Variants in ANKS1A observed in about 807,000 individuals in gnomAD.
The protein encoded by ANKS1A is ankyrin repeat and sterile alpha motif domain containing 1A.
Under a neutral mutation model 120.3 loss-of-function variants are expected in ANKS1A, and 55 were observed. The observed-to-expected ratio is 0.46, with a 90% CI of 0.37 to 0.57. ANKS1A has a LOEUF of 0.57. Ranked by LOEUF, ANKS1A falls within the 20% of genes least tolerant of loss-of-function variation. The pLI, the probability that ANKS1A is intolerant of heterozygous loss-of-function variation, is 0.00. For synonymous variants in ANKS1A, 590 were observed against 604.7 expected, an observed-to-expected ratio of 0.98 and a Z score of 0.36; for missense variants, 1,123 against 1,480.3, an observed-to-expected ratio of 0.76 and a Z score of 3.96.
At chr6:35,041,214 T>C (rs1775441253) in intron 11 of ANKS1A, among the ~76,000 whole-genome samples, 1 of 152,204 alleles carries the variant, frequency 6.6e-6, no homozygotes, top group African/African-American at 2.4e-5. Context: ...AGGTTGTAGC[T>C]TCCACTCCTT....
At chr6:35,073,056 G>A (rs115343256) in intron 13 of ANKS1A, among the ~76,000 whole-genome samples, 164 of 152,342 alleles carry the variant, frequency 1.1e-3, no homozygotes, top group African/African-American at 3.9e-3. Context: ...TGTGTAATGT[G>A]AGCAGCTCCT....
In ANKS1A at chr6:35,004,313, A is replaced by G. The variant is rs556256808; in HGVS notation, c.1423+9891A>G. On this transcript the variant is annotated intron_variant, in intron 10 of 23. Coordinates refer to ENST00000360359, the MANE Select transcript of ANKS1A (RefSeq NM_015245.3). Reference sequence around the variant, plus strand: ...CCGCAGCTGGTCCCGCTACAGTGAGATGGGAAATTTTTTAAATTACATTTT... The same window carrying G: ...CCGCAGCTGGTCCCGCTACAGTGAGGTGGGAAATTTTTTAAATTACATTTT... 7.2e-4 allele frequency among the ~76,000 whole-genome samples: 110 copies of G among 151,996 alleles called. 1 individual carries two copies. The highest frequency in any genetic ancestry group is 1.3e-3 in the Non-Finnish European group (86 of 68,006).
chr6:35,086,122 C>A lies in ANKS1A; in HGVS notation c.3303+186C>A. The A allele has an allele frequency of 8.7e-7, 1 of 1,152,636 alleles. No homozygotes were observed. The highest frequency in any genetic ancestry group is 1.2e-6 in the Non-Finnish European group (1 of 832,882). The allele number at this position is 1,152,636 out of a possible 1,614,324, so 71.4% of individuals were successfully genotyped here. A position where few individuals can be genotyped will look rare whatever the true frequency, so the allele number is the denominator to read the frequency against. On this transcript the variant is annotated intron_variant, in intron 22 of 23. Transcript: ENST00000360359. The surrounding 1 kb of genome is among the most constrained non-coding windows in gnomAD (Gnocchi z 5.1). ...CTGGAAAGGCAGCAGCTCCTCTGGCCTGGGCGGGCCTCTCATGCTCCTGTT... is the reference window on the plus strand; with the variant it reads ...CTGGAAAGGCAGCAGCTCCTCTGGCATGGGCGGGCCTCTCATGCTCCTGTT...
Position 35,058,046 on chromosome 6 carries a change from G to A in ANKS1A, c.2078-2101G>A, listed in dbSNP as rs1776299698. On this transcript the variant is annotated intron_variant, in intron 12 of 23. Coordinates refer to ENST00000360359, the MANE Select transcript of ANKS1A (RefSeq NM_015245.3). This position sits in a 1 kb window ranked among gnomAD's most constrained non-coding sequence, Gnocchi z 5.1. The stretch of plus-strand genomic sequence containing the variant: ...CGGCTATTGGGAAATCTGTCATTTC[G>A]CTCTGATGCTAGTGCTGCTGTCTCC... 6.6e-6 allele frequency among the ~76,000 whole-genome samples: 1 copy of A among 152,170 alleles called. No homozygotes were observed. The highest frequency in any genetic ancestry group is 1.5e-5 in the Non-Finnish European group (1 of 68,042).
In ANKS1A at chr6:35,017,960, G is replaced by A; in HGVS notation, c.1911G>A (p.Glu637=). The A allele has an allele frequency of 6.2e-7, 1 of 1,614,230 alleles. No individual in the cohort carries two copies. Among genetic ancestry groups the A allele is most frequent in the Admixed American group, 1.7e-5 (1 of 60,032 alleles). The change falls in exon 11 of 24, where the codon GAG becomes GAA. Residue 637 remains glutamate (E), a synonymous_variant. Transcript: ENST00000360359. ...DSDLLTCSPT[E]DATMGSRSES... Reference sequence around the variant, plus strand: ...ATCTCCTGACCTGCTCACCCACAGAGGACGCTACCATGGGGAGTCGGAGTG... The same window carrying A: ...ATCTCCTGACCTGCTCACCCACAGAAGACGCTACCATGGGGAGTCGGAGTG...
chr6:34,979,791 C>G (rs147768626), intron 3 of ANKS1A, among the ~76,000 whole-genome samples: 34 of 152,280 alleles, frequency 2.2e-4, no homozygotes, highest in African/African-American at 7.7e-4. Flanking sequence ...ACTTTCTTGG[C>G]TCTTTCTATC....
At chr6:34,946,295 C>T (rs111563968) in intron 1 of ANKS1A, among the ~76,000 whole-genome samples, 11,934 of 150,928 alleles carry the variant, frequency 0.079, 669 homozygotes, top group East Asian at 0.34. Flanking sequence ...TCTCTTTTTA[C>T]AAAATTTTGG....
At chr6:35,030,423 T>G (rs1367743339) in intron 11 of ANKS1A, among the ~76,000 whole-genome samples, 1 of 152,210 alleles carries the variant, frequency 6.6e-6, no homozygotes, top group African/African-American at 2.4e-5. Flanking sequence ...AGGTGATGAT[T>G]TCTGGCAAAT....
At chr6:35,083,648 G>A (rs1777805956) in intron 20 of ANKS1A, 145 bp downstream of exon 20, 3 of 759,292 alleles carry the variant, frequency 4.0e-6, no homozygotes, top group African/African-American at 1.8e-5. Flanking sequence ...TTCCCACTTT[G>A]CTAAGAGGCG....
At chr6:35,055,535 G>A (rs1291810732) in intron 12 of ANKS1A, among the ~76,000 whole-genome samples, 1 of 152,096 alleles carries the variant, frequency 6.6e-6, no homozygotes, top group African/African-American at 2.4e-5. Context: ...TCACCATGTT[G>A]GTCAGGCTGG....
At chr6:34,898,427 T>G (rs1480659975) in intron 1 of ANKS1A, among the ~76,000 whole-genome samples, 1 of 152,196 alleles carries the variant, frequency 6.6e-6, no homozygotes, top group Non-Finnish European at 1.5e-5. Flanking sequence ...CTGGAAACAT[T>G]GTATTTCTAC....
rs1287794776 is a variant in ANKS1A, at chr6:34,889,813, C to T, written c.197+214C>T. 2.6e-5 allele frequency among the ~76,000 whole-genome samples: 4 copies of T among 152,226 alleles called. No individual in the cohort carries two copies. In the East Asian group the frequency reaches 7.8e-4, roughly 30 times the overall value. On this transcript the variant is annotated intron_variant, in intron 1 of 23. Transcript: ENST00000360359. This position sits in a 1 kb window ranked among gnomAD's most constrained non-coding sequence, Gnocchi z 5.5. ...GCTCGCCTGGTCTCCCGTTCTGACC[C>T]GGCTGCGAAGAATGGTGGGAGTGCC...
chr6:34,892,597 A>T (rs971833102), intron 1 of ANKS1A, among the ~76,000 whole-genome samples: 1 of 152,226 alleles, frequency 6.6e-6, no homozygotes. Context: ...CCCGTATTCC[A>T]CAAAGGCTTT....
intron 11 of ANKS1A, among the ~76,000 whole-genome samples, chr6:35,036,591 T>C (rs747720666): frequency 2.6e-5 from 4 of 152,254 alleles, no homozygotes; most frequent in Admixed American, 6.5e-5. Context: ...TTAACAGTTA[T>C]GTTAACTTTT....
intron 13 of ANKS1A, among the ~76,000 whole-genome samples, chr6:35,071,595 A>AG (rs1179069508): frequency 2.6e-5 from 4 of 151,806 alleles, no homozygotes; most frequent in South Asian, 2.1e-4. Context: ...CTTGGCCTAG[A>AG]GGGGGGGTCC....
intron 1 of ANKS1A, among the ~76,000 whole-genome samples, chr6:34,909,427 C>T (rs1767803338): frequency 6.6e-6 from 1 of 152,114 alleles, no homozygotes; most frequent in Non-Finnish European, 1.5e-5. Flanking sequence ...TGACACTTGC[C>T]AGTAGTTTAT....
Position 35,060,192 on chromosome 6 carries a change from T to A in ANKS1A, c.2123T>A (p.Ile708Asn), listed in dbSNP as rs779034710. 6 of 1,609,626 alleles carry A rather than the reference T, an allele frequency of 3.7e-6. No homozygotes were observed. Among genetic ancestry groups the A allele is most frequent in the Non-Finnish European group, 5.1e-6 (6 of 1,177,924 alleles). The change falls in exon 13 of 24, where the codon ATT becomes AAT. Residue 708 changes from isoleucine to asparagine, a missense_variant. This residue lies in a region of ANKS1A where 904 missense variants were observed against 1,130.4 expected (regional missense o/e 0.80). Coordinates refer to ENST00000360359, the MANE Select transcript of ANKS1A (RefSeq NM_015245.3). The surrounding 1 kb of genome is among the most constrained non-coding windows in gnomAD (Gnocchi z 4.5). Reference sequence around the variant, plus strand: ...AGTGTCGGGGAGTGGCTGGAGTCGATTGGGCTGCAGCAGTATGAGAGCAAG... The same window carrying A: ...AGTGTCGGGGAGTGGCTGGAGTCGAATGGGCTGCAGCAGTATGAGAGCAAG... ...EQSVGEWLES[I>N]GLQQYESKLL...
intron 1 of ANKS1A, among the ~76,000 whole-genome samples, chr6:34,906,888 A>G (rs961136806): frequency 2.0e-5 from 3 of 152,210 alleles, no homozygotes; most frequent in African/African-American, 4.8e-5. Context: ...ATAATAGAAT[A>G]TGGAGAGAGA....
intron 10 of ANKS1A, among the ~76,000 whole-genome samples, chr6:34,995,283 G>A (rs1437553799): frequency 1.3e-5 from 2 of 152,210 alleles, no homozygotes; most frequent in African/African-American, 4.8e-5. Flanking sequence ...GTGTGCATAT[G>A]CGTATGACAT....
Sources: allele counts gnomAD v4.1 joint callset (sites outside exome capture counted in the v4.1 genomes callset), GRCh38; gene constraint gnomAD v4.1.1; regional missense constraint gnomAD v4.1.1; non-coding constraint Gnocchi (gnomAD v3.1); transcripts MANE v1.5; gene names NCBI Gene and HGNC (gene_info 2026-07-23, HGNC 2026-07-21).